MYL1: variants seen among roughly 807,000 people sequenced by gnomAD.
MYL1 encodes the protein myosin light chain 1/3, skeletal muscle isoform.
A neutral mutation model predicts 21.8 loss-of-function variants in MYL1; 16 were observed. That is an observed-to-expected ratio of 0.74 (90% CI 0.50 to 1.12). MYL1 has a LOEUF of 1.12. Ranked by LOEUF, MYL1 falls within the 50% of genes most tolerant of loss-of-function variation. MYL1 has a pLI of 0.00. For synonymous variants in MYL1, 99 were observed against 85.2 expected (o/e 1.16, Z -0.89); for missense variants, 246 against 241.0 (o/e 1.02, Z -0.14).
chr2:210,294,483 A>T lies in MYL1; in HGVS notation c.305-65T>A, dbSNP rs1690142226. 4.1e-6 allele frequency: 6 copies of T among 1,466,776 alleles called. No individual in the cohort carries two copies. The Admixed American group carries it at 7.9e-5, about 19-fold the overall frequency. 90.9% of individuals were successfully genotyped at this position (1,466,776 alleles called of 1,614,324 possible). On this transcript the variant is annotated intron_variant, in intron 3 of 6. Coordinates refer to ENST00000352451, the MANE Select transcript of MYL1 (RefSeq NM_079420.3). ...AATACTAACTCTGAGTCACAATTTA[A>T]ACTTGAAAAGTTATTCTAGGTTATC...
chr2:210,291,776 G>A (rs141585784), intron 5 of MYL1, among the ~76,000 whole-genome samples: 68 of 129,786 alleles, frequency 5.2e-4, no homozygotes, highest in African/African-American at 2.0e-3. Flanking sequence ...TACTTTGATG[G>A]ACATTAAATT....
intron 5 of MYL1, among the ~76,000 whole-genome samples, chr2:210,293,178 G>A (rs1415672399): frequency 6.6e-6 from 1 of 152,132 alleles, no homozygotes; most frequent in Admixed American, 6.5e-5. Context: ...TTTCTGTAGT[G>A]CATTGCTTTC....
chr2:210,293,039 CTTTG>C (rs34397161), intron 5 of MYL1, among the ~76,000 whole-genome samples: 70,883 of 151,612 alleles, frequency 0.47, 16,687 homozygotes, highest in Middle Eastern at 0.62. Flanking sequence ...CTCTTCTCTT[CTTTG>C]TTTTTCTCTT....
At chr2:210,305,899 A>G (rs1378672249) in intron 1 of MYL1, among the ~76,000 whole-genome samples, 2 of 151,688 alleles carry the variant, frequency 1.3e-5, no homozygotes, top group East Asian at 3.9e-4. Context: ...TGTCTCTACT[A>G]AAAATACAAA....
chr2:210,305,478 G>A (rs1042516626), intron 1 of MYL1, among the ~76,000 whole-genome samples: 1 of 152,144 alleles, frequency 6.6e-6, no homozygotes, highest in Admixed American at 6.5e-5. Context: ...ATAAATGAAA[G>A]CATCAGAGCC....
chr2:210,299,512 C>T (rs1205526901), intron 2 of MYL1, among the ~76,000 whole-genome samples: 1 of 152,196 alleles, frequency 6.6e-6, no homozygotes, highest in Non-Finnish European at 1.5e-5. Context: ...TAAGTATACA[C>T]AGCCATTCCC....
At chr2:210,298,613 T>C in intron 2 of MYL1, 50 bp from the exon 3 acceptor site, 1 of 1,602,588 alleles carries the variant, frequency 6.2e-7, no homozygotes, top group Non-Finnish European at 8.5e-7. Flanking sequence ...TCTAACCTAT[T>C]AATTAAACCT....
chr2:210,298,486 G>C lies in MYL1; in HGVS notation c.238C>G (p.Arg80Gly), dbSNP rs1309787392. ...TTGGTGGGATTTGTGCCCAGAGCTC[G>C]AAGGACATCACCGACCTGGCTTAAG... is the stretch of plus-strand genomic sequence containing the variant. The part of the protein sequence containing the change: ...ITLSQVGDVL[R>G]ALGTNPTNAE... Residue 80 changes from arginine to glycine, a missense_variant, in exon 3 of 7, where the codon CGA becomes GGA. By Grantham distance (125) the Arg-to-Gly change is moderately radical. Transcript: ENST00000352451. 1 of 1,614,022 alleles carries C rather than the reference G, an allele frequency of 6.2e-7. No individual in the cohort carries two copies. The highest frequency in any genetic ancestry group is 8.5e-7 in the Non-Finnish European group (1 of 1,180,002).
intron 1 of MYL1, among the ~76,000 whole-genome samples, chr2:210,313,965 GT>G (rs1690453539): frequency 6.6e-6 from 1 of 151,964 alleles, no homozygotes. Context: ...TATAAGGCAG[GT>G]TTCCTTAGAT....
At position 210,303,543 on chromosome 2, in the gene MYL1, A is replaced by G. The variant is rs138512142; in HGVS notation, c.133-1028T>C. On this transcript the variant is annotated intron_variant, in intron 1 of 6. Transcript: ENST00000352451. ...AAATTATTGTCTCATAGGACCCACC[A>G]TGATGGAGCGGCTGGGCTGCAACAC... The G allele has an allele frequency of 4.0e-4, 646 of 1,611,430 alleles. 4 individuals are homozygous for G. The African/African-American group carries it at 6.7e-3, about 17-fold the overall frequency.
At chr2:210,308,399 AAT>A (rs71043988) in intron 1 of MYL1, among the ~76,000 whole-genome samples, 1,170 of 84,556 alleles carry the variant, frequency 0.014, 19 homozygotes, top group African/African-American at 0.038. Context: ...TACTTAGGCT[AAT>A]ATATATATAT....
intron 2 of MYL1, among the ~76,000 whole-genome samples, chr2:210,302,156 T>G (rs1690273279): frequency 6.6e-6 from 1 of 152,182 alleles, no homozygotes; most frequent in African/African-American, 2.4e-5. Context: ...TATTAGCAAT[T>G]TAGCCATCTA....
At chr2:210,293,261 T>C (rs1690109053) in intron 5 of MYL1, among the ~76,000 whole-genome samples, 1 of 152,196 alleles carries the variant, frequency 6.6e-6, no homozygotes. Flanking sequence ...CTGACTTTCA[T>C]GTAAGCAAGA....
At position 210,294,329 on chromosome 2, in the gene MYL1, A is replaced by C; in HGVS notation, c.394T>G (p.Phe132Val). ...NNKDQATYED[F>V]VEGLRVFDKE... Reference sequence around the variant, plus strand: ...TCAAAGACACGCAGACCCTCAACAAAGTCTTCATAGGTGGCCTGGTCCTTG... The same window carrying C: ...TCAAAGACACGCAGACCCTCAACAACGTCTTCATAGGTGGCCTGGTCCTTG... Residue 132 changes from phenylalanine to valine, a missense_variant, in exon 4 of 7, where the codon TTT (phenylalanine) becomes GTT (valine). Coordinates refer to ENST00000352451, the MANE Select transcript of MYL1 (RefSeq NM_079420.3). The C allele has an allele frequency of 6.2e-7, 1 of 1,613,968 alleles. No individual in the cohort carries two copies. The highest frequency in any genetic ancestry group is 8.5e-7 in the Non-Finnish European group (1 of 1,179,926).
chr2:210,309,565 TG>T (rs1427619365), intron 1 of MYL1, among the ~76,000 whole-genome samples: 1 of 152,090 alleles, frequency 6.6e-6, no homozygotes, highest in Non-Finnish European at 1.5e-5. Context: ...CTTCAAATTC[TG>T]CTTTGAGGTA....
intron 1 of MYL1, chr2:210,303,465 A>T: frequency 2.8e-6 from 4 of 1,427,290 alleles, no homozygotes; most frequent in Admixed American, 3.8e-5. Context: ...ATTTTTGCCT[A>T]TCTTTCTTCT....
intron 1 of MYL1, 49 bp downstream of exon 1, chr2:210,314,862 T>C: frequency 6.2e-7 from 1 of 1,605,980 alleles, no homozygotes; most frequent in Non-Finnish European, 8.5e-7. Context: ...TAGAGATCCT[T>C]ACTATTGAAA....
intron 3 of MYL1, among the ~76,000 whole-genome samples, chr2:210,297,970 T>C (rs1263920244): frequency 6.6e-6 from 1 of 152,160 alleles, no homozygotes; most frequent in Non-Finnish European, 1.5e-5. Flanking sequence ...ATAAAGTGTT[T>C]TAAATCATAT....
At chr2:210,298,386 A>C in intron 3 of MYL1, 34 bp downstream of exon 3, 1 of 1,609,850 alleles carries the variant, frequency 6.2e-7, no homozygotes, top group African/African-American at 1.3e-5. Context: ...ACTTCCCTAT[A>C]CTTCCACACT....
Sources: allele counts gnomAD v4.1 joint callset (sites outside exome capture counted in the v4.1 genomes callset), GRCh38; gene constraint gnomAD v4.1.1; transcripts MANE v1.5; gene names NCBI Gene and HGNC (gene_info 2026-07-23, HGNC 2026-07-21).